Variants in PCDHGA3 observed in about 807,000 individuals in gnomAD.
PCDHGA3 encodes protocadherin gamma subfamily A, 3.
PCDHGA3 carries 40 observed loss-of-function variants against 58.5 expected under a neutral mutation model. That is an observed-to-expected ratio of 0.68 (90% confidence interval 0.53 to 0.89). The LOEUF (loss-of-function observed/expected upper bound fraction) is 0.89. Among genes scored for constraint, PCDHGA3 ranks in the 40% least tolerant of loss-of-function variants. The probability of loss-of-function intolerance (pLI) is 0.00; values close to 1 mark genes in which losing one functional copy is unlikely to be tolerated. For missense variants in PCDHGA3, 1,223 were observed against 1,195.9 expected (o/e 1.02, Z -0.33); for synonymous variants, 530 against 525.7 (o/e 1.01, Z -0.11).
intron 1 of PCDHGA3, among the ~76,000 whole-genome samples, chr5:141,458,201 T>C (rs973995736): frequency 6.6e-6 from 1 of 152,168 alleles, no homozygotes; most frequent in African/African-American, 2.4e-5. Context: ...AGGCCATAAA[T>C]AGTTTAAAAT....
chr5:141,348,656 T>G (rs1223730664), intron 1 of PCDHGA3, among the ~76,000 whole-genome samples: 3 of 152,142 alleles, frequency 2.0e-5, no homozygotes, highest in Non-Finnish European at 4.4e-5. Context: ...AGACATCCCA[T>G]TTTCACTAAA....
At chr5:141,387,526 G>A (rs186607627) in intron 1 of PCDHGA3, among the ~76,000 whole-genome samples, 58 of 152,324 alleles carry the variant, frequency 3.8e-4, no homozygotes, top group African/African-American at 1.3e-3. Context: ...ATATACAGAC[G>A]TATCCACGTA....
intron 1 of PCDHGA3, chr5:141,410,797 C>T: frequency 3.0e-6 from 2 of 675,992 alleles, no homozygotes; most frequent in South Asian, 3.2e-5. Flanking sequence ...TCATAAGTTG[C>T]TCTATCTTTT....
intron 1 of PCDHGA3, chr5:141,419,137 CAG>C (rs1561778402): frequency 1.2e-6 from 2 of 1,613,892 alleles, no homozygotes; most frequent in South Asian, 1.1e-5. Context: ...CAGCCACAGA[CAG>C]GGGCAAGCCT....
intron 2 of PCDHGA3, among the ~76,000 whole-genome samples, chr5:141,499,528 G>T (rs961802549): frequency 1.3e-5 from 2 of 152,142 alleles, no homozygotes; most frequent in African/African-American, 2.4e-5. Context: ...AAAGTAGAGA[G>T]AATGGTGTCA....
Position 141,489,555 on chromosome 5 carries a change from A to G in PCDHGA3, c.2425-5252A>G, listed in dbSNP as rs909307566. ...GAGCCAGCACCAGCTGCCTGCTGCC[A>G]GTGCAGGTGGTGACTGAACACCCCC... is the stretch of plus-strand genomic sequence containing the variant. On this transcript the variant is annotated intron_variant, in intron 1 of 3. Transcript: ENST00000253812. The surrounding 1 kb of genome is among the most constrained non-coding windows in gnomAD (Gnocchi z 4.5). 2.5e-6 allele frequency: 4 copies of G among 1,613,998 alleles called. No homozygotes were observed. The African/African-American group carries it at 5.3e-5, about 22-fold the overall frequency.
At chr5:141,351,828 C>T (rs868552248) in intron 1 of PCDHGA3, 30 of 1,613,108 alleles carry the variant, frequency 1.9e-5, no homozygotes, top group Non-Finnish European at 2.5e-5. Context: ...CAGCTGCGCG[C>T]CTTCGAGCTC....
At chr5:141,443,199 G>C (rs936013020) in intron 1 of PCDHGA3, among the ~76,000 whole-genome samples, 1 of 152,002 alleles carries the variant, frequency 6.6e-6, no homozygotes. Context: ...ATAGTACAAA[G>C]AGCTTGTCTC....
At chr5:141,375,304 T>C (rs1436249937) in intron 1 of PCDHGA3, 4 of 1,613,762 alleles carry the variant, frequency 2.5e-6, no homozygotes, top group Non-Finnish European at 3.4e-6. Flanking sequence ...TAGTGACAAA[T>C]GCAGCTCTAG....
intron 1 of PCDHGA3, chr5:141,362,580 C>T: frequency 6.2e-7 from 1 of 1,603,290 alleles, no homozygotes; most frequent in Non-Finnish European, 8.5e-7. Flanking sequence ...AATTTATTTT[C>T]ACTTCTGGTT....
chr5:141,502,098 G>T (rs1341016516), intron 2 of PCDHGA3, among the ~76,000 whole-genome samples: 2 of 152,108 alleles, frequency 1.3e-5, no homozygotes, highest in Non-Finnish European at 2.9e-5. Flanking sequence ...ACCTGGCCTT[G>T]ACCCTGCACC....
intron 1 of PCDHGA3, chr5:141,433,201 CTTCT>C (rs759014851): frequency 3.9e-5 from 61 of 1,573,466 alleles, no homozygotes; most frequent in Admixed American, 1.2e-4. Flanking sequence ...TATATCAAAT[CTTCT>C]TTCTTTTTTT....
intron 1 of PCDHGA3, chr5:141,441,516 C>T (rs1034274864): frequency 4.0e-5 from 7 of 173,082 alleles, no homozygotes; most frequent in Non-Finnish European, 8.7e-5. Flanking sequence ...ACGTCGTCCA[C>T]GTGGCCAAGA....
chr5:141,408,185 C>G, intron 1 of PCDHGA3: 1 of 1,540,440 alleles, frequency 6.5e-7, no homozygotes, highest in Non-Finnish European at 8.8e-7. Context: ...GGGGACCCAG[C>G]GAGAACCCGA....
intron 1 of PCDHGA3, chr5:141,366,681 G>T (rs1190460082): frequency 1.2e-6 from 2 of 1,614,160 alleles, no homozygotes; most frequent in Non-Finnish European, 1.7e-6. Context: ...AGTGAAGAGA[G>T]CTGTGAGAAA....
At position 141,485,398 on chromosome 5, in the gene PCDHGA3, C is replaced by T. The variant is rs906016330; in HGVS notation, c.2425-9409C>T. The T allele has an allele frequency of 1.3e-5, 21 of 1,614,044 alleles. No individual in the cohort carries two copies. The highest frequency in any genetic ancestry group is 1.8e-5 in the Non-Finnish European group (21 of 1,179,928). On this transcript the variant is annotated intron_variant, in intron 1 of 3. Coordinates refer to ENST00000253812, the MANE Select transcript of PCDHGA3 (RefSeq NM_018916.4). This position sits in a 1 kb window ranked among gnomAD's most constrained non-coding sequence, Gnocchi z 5.7. ...CTGGAGAGGTGAACCAAAGACACTT[C>T]CGTGTGGATTTGGACAGCGGAGCCC...
chr5:141,344,980 A>G lies in PCDHGA3; in HGVS notation c.947A>G (p.Glu316Gly). 6.2e-7 allele frequency: 1 copy of G among 1,613,920 alleles called. No individual in the cohort carries two copies. The highest frequency in any genetic ancestry group is 8.5e-7 in the Non-Finnish European group (1 of 1,179,824). The stretch of plus-strand genomic sequence containing the variant: ...GATTATGAGGATGCCATGTTCTATG[A>G]AATTAAAATTGAAGCACAGGATGGA... The part of the protein sequence containing the change: ...SLDYEDAMFY[E>G]IKIEAQDGPG... Residue 316 changes from glutamate to glycine, a missense_variant, in exon 1 of 4, where the codon GAA becomes GGA. Glu to Gly is a moderately conservative substitution (Grantham distance 98, BLOSUM62 -2). Around this residue, in one of 3 missense-constraint regions of PCDHGA3, gnomAD observed 791 missense variants for 708.5 expected, o/e 1.12. Transcript: ENST00000253812.
At chr5:141,422,997 C>A in intron 1 of PCDHGA3, 3 of 1,614,218 alleles carry the variant, frequency 1.9e-6, no homozygotes, top group Non-Finnish European at 2.5e-6. Flanking sequence ...ACCTGGTGAC[C>A]AAGGTGGTTG....
chr5:141,409,736 G>C (rs1053484390), intron 1 of PCDHGA3: 9 of 1,612,992 alleles, frequency 5.6e-6, no homozygotes, highest in South Asian at 2.2e-5. Context: ...CGCGCAGAGC[G>C]GGGTGGTGTT....
Sources: allele counts gnomAD v4.1 joint callset (sites outside exome capture counted in the v4.1 genomes callset), GRCh38; gene constraint gnomAD v4.1.1; regional missense constraint gnomAD v4.1.1; non-coding constraint Gnocchi (gnomAD v3.1); transcripts MANE v1.5; gene names NCBI Gene and HGNC (gene_info 2026-07-23, HGNC 2026-07-21).